CRACDL: variants seen among roughly 807,000 people sequenced by gnomAD.
CRACDL encodes CRACD-like protein.
CRACDL carries 26 observed loss-of-function variants against 70.6 expected under a neutral mutation model. That is an observed-to-expected ratio of 0.37 (90% CI 0.27 to 0.51). CRACDL has a LOEUF of 0.51. Ranked by LOEUF, CRACDL falls within the 20% of genes least tolerant of loss-of-function variation. CRACDL has a pLI of 0.94. For synonymous variants in CRACDL, 618 were observed against 615.2 expected (o/e 1.00, Z -0.07); for missense variants, 1,283 against 1,376.9 (o/e 0.93, Z 1.08).
chr2:98,865,436 C>T (rs1307963447), intron 1 of CRACDL, among the ~76,000 whole-genome samples: 1 of 152,024 alleles, frequency 6.6e-6, no homozygotes, highest in Non-Finnish European at 1.5e-5. Flanking sequence ...ATCCATTTCC[C>T]CTTTACAGAT....
At chr2:98,856,419 A>T (rs1353545134) in intron 1 of CRACDL, among the ~76,000 whole-genome samples, 1 of 152,164 alleles carries the variant, frequency 6.6e-6, no homozygotes, top group Admixed American at 6.5e-5. Flanking sequence ...ACAAAAACTG[A>T]GATGATTTCT....
intron 2 of CRACDL, among the ~76,000 whole-genome samples, chr2:98,839,733 A>C (rs1207182632): frequency 6.6e-6 from 1 of 152,064 alleles, no homozygotes; most frequent in Non-Finnish European, 1.5e-5. Context: ...CTACTTCCTG[A>C]ATCTGTTTTT....
intron 2 of CRACDL, among the ~76,000 whole-genome samples, chr2:98,842,142 T>G (rs1706055396): frequency 6.6e-6 from 1 of 152,094 alleles, no homozygotes; most frequent in East Asian, 1.9e-4. Context: ...GAGACTGTGC[T>G]CAAATGGGTA....
chr2:98,842,643 T>G (rs1398169616), intron 2 of CRACDL, among the ~76,000 whole-genome samples: 1 of 152,122 alleles, frequency 6.6e-6, no homozygotes, highest in Non-Finnish European at 1.5e-5. Flanking sequence ...TAGAATGTCA[T>G]GTAGATTAAG....
Sources: allele counts gnomAD v4.1 joint callset (sites outside exome capture counted in the v4.1 genomes callset), GRCh38; gene constraint gnomAD v4.1.1; transcripts MANE v1.5; gene names NCBI Gene and HGNC (gene_info 2026-07-23, HGNC 2026-07-21).